CLEC16A: variants seen among roughly 807,000 people sequenced by gnomAD.
CLEC16A encodes protein CLEC16A.
CLEC16A carries 51 observed loss-of-function variants against 109.5 expected under a neutral mutation model. The ratio of observed to expected loss-of-function variants is 0.47; its 90% CI spans 0.37 to 0.59. CLEC16A has a LOEUF of 0.59. Among genes scored for constraint, CLEC16A ranks in the 20% least tolerant of loss-of-function variants. The pLI is 0.00. For missense variants in CLEC16A, 1,339 were observed against 1,394.0 expected (o/e 0.96, Z 0.63); for synonymous variants, 673 against 564.2 (o/e 1.19, Z -2.73).
chr16:11,086,941 C>T (rs540221972), intron 19 of CLEC16A, among the ~76,000 whole-genome samples: 55 of 152,304 alleles, frequency 3.6e-4, no homozygotes, highest in Non-Finnish European at 5.9e-4. Flanking sequence ...GGGGGAGGCC[C>T]TCCAGCACCA....
Position 11,027,277 on chromosome 16 carries a change from A to G in CLEC16A, c.1537+2356A>G, listed in dbSNP as rs555784565. 254 of 1,546,836 alleles carry G rather than the reference A, an allele frequency of 1.6e-4. No individual in the cohort carries two copies. In the Middle Eastern group the frequency reaches 2.5e-3, roughly 15 times the overall value. ...CATGCCGTGGAATTGCCAGATAAAC[A>G]TTCCTTGGCCTTTGTTGTACGCATC... On this transcript the variant is annotated intron_variant, in intron 13 of 23. Transcript: ENST00000409790.
At chr16:11,010,399 A>T (rs1040121722) in intron 11 of CLEC16A, among the ~76,000 whole-genome samples, 1 of 152,134 alleles carries the variant, frequency 6.6e-6, no homozygotes, top group Admixed American at 6.5e-5. Flanking sequence ...TTTTATGCTT[A>T]TGGTAATTTT....
intron 22 of CLEC16A, among the ~76,000 whole-genome samples, chr16:11,159,716 C>A (rs1419882492): frequency 6.9e-6 from 1 of 145,776 alleles, no homozygotes; most frequent in Non-Finnish European, 1.5e-5. Flanking sequence ...GTGTAGATCG[C>A]CTGTTTTTTT....
chr16:10,987,624 A>G lies in CLEC16A; in HGVS notation c.1071+4633A>G, dbSNP rs181932440. 3.6e-4 allele frequency among the ~76,000 whole-genome samples: 55 copies of G among 152,322 alleles called. 2 individuals are homozygous for G. In the South Asian group the frequency reaches 4.6e-3, roughly 13 times the overall value. On this transcript the variant is annotated intron_variant, in intron 10 of 23. Coordinates refer to ENST00000409790, the MANE Select transcript of CLEC16A (RefSeq NM_015226.3). Reference sequence around the variant, plus strand: ...CAGTTACTACCTTTCTCTCAGTGTGAAGTTGAAGTTGGTTGTAATCTGATG... The same window carrying G: ...CAGTTACTACCTTTCTCTCAGTGTGGAGTTGAAGTTGGTTGTAATCTGATG...
intron 13 of CLEC16A, among the ~76,000 whole-genome samples, chr16:11,029,548 G>T (rs544039725): frequency 1.3e-5 from 2 of 152,066 alleles, no homozygotes; most frequent in Non-Finnish European, 2.9e-5. Context: ...CAGCAAGCTG[G>T]AGCAATCACT....
At chr16:11,034,744 T>A (rs1417785864) in intron 13 of CLEC16A, among the ~76,000 whole-genome samples, 1 of 152,206 alleles carries the variant, frequency 6.6e-6, no homozygotes, top group East Asian at 1.9e-4. Context: ...CTTTGGAATT[T>A]GTCTGTCACA....
At chr16:11,140,962 C>T (rs187089619) in intron 22 of CLEC16A, among the ~76,000 whole-genome samples, 361 of 152,348 alleles carry the variant, frequency 2.4e-3, no homozygotes, top group Non-Finnish European at 4.1e-3. Flanking sequence ...CTTAGCTGGG[C>T]CAGCATTTTA....
At chr16:11,149,360 A>G (rs1013235398) in intron 22 of CLEC16A, among the ~76,000 whole-genome samples, 3 of 152,230 alleles carry the variant, frequency 2.0e-5, no homozygotes, top group Non-Finnish European at 4.4e-5. Flanking sequence ...CTGAGAAGCT[A>G]CAGGAAGAAG....
At chr16:11,096,307 C>T (rs374790546) in intron 19 of CLEC16A, among the ~76,000 whole-genome samples, 2 of 151,510 alleles carry the variant, frequency 1.3e-5, no homozygotes, top group Non-Finnish European at 2.9e-5. Flanking sequence ...ATGGCATCAC[C>T]GCACTCCATC....
chr16:11,011,900 TAAC>T (rs2045442098), intron 11 of CLEC16A, among the ~76,000 whole-genome samples: 1 of 152,134 alleles, frequency 6.6e-6, no homozygotes, highest in African/African-American at 2.4e-5. Flanking sequence ...CCCTGACTCC[TAAC>T]AACGTCTACT....
At chr16:11,101,878 T>C (rs2050937551) in intron 19 of CLEC16A, among the ~76,000 whole-genome samples, 2 of 151,944 alleles carry the variant, frequency 1.3e-5, no homozygotes, top group South Asian at 4.2e-4. Flanking sequence ...TTATGGTCAC[T>C]GTAGCTTTGA....
chr16:11,006,596 G>C, intron 11 of CLEC16A, among the ~76,000 whole-genome samples: 1 of 152,188 alleles, frequency 6.6e-6, no homozygotes, highest in Non-Finnish European at 1.5e-5. Flanking sequence ...CATTTTAGTA[G>C]TGAAATTTTG....
rs112469895 is a variant in CLEC16A, at chr16:10,984,137, C to T, written c.1071+1146C>T. On this transcript the variant is annotated intron_variant, in intron 10 of 23. Transcript: ENST00000409790. ...AGCTCGCCCTGGGGTAGTAGATTTG[C>T]TGCCCCACCTACATGAATGGGTGGA... is the stretch of plus-strand genomic sequence containing the variant. 1.6e-3 allele frequency among the ~76,000 whole-genome samples: 247 copies of T among 152,284 alleles called. 3 individuals carry two copies. The highest frequency in any genetic ancestry group is 5.6e-3 in the African/African-American group (234 of 41,568).
chr16:11,122,055 C>G (rs957191747), intron 20 of CLEC16A, among the ~76,000 whole-genome samples: 1 of 151,694 alleles, frequency 6.6e-6, no homozygotes, highest in Admixed American at 6.6e-5. Context: ...TGAACTTTGC[C>G]CTACTTCAAG....
At position 10,961,605 on chromosome 16, in the gene CLEC16A, G is replaced by A. The variant is rs1304537857; in HGVS notation, c.210-850G>A. Among the ~76,000 whole-genome samples the A allele has an allele frequency of 6.6e-6, 1 of 152,226 alleles. No homozygotes were observed. Among genetic ancestry groups the A allele is most frequent in the African/African-American group, 2.4e-5 (1 of 41,458 alleles). ...CCAGAAGCCAGTGCCGCTAGGCTGT[G>A]TACAGACAAGTATCCTATCCACAAG... is the stretch of plus-strand genomic sequence containing the variant. On this transcript the variant is annotated intron_variant, in intron 2 of 23. Coordinates refer to ENST00000409790, the MANE Select transcript of CLEC16A (RefSeq NM_015226.3). The surrounding 1 kb of genome is among the most constrained non-coding windows in gnomAD (Gnocchi z 4.3).
At chr16:11,089,740 G>A (rs890449108) in intron 19 of CLEC16A, among the ~76,000 whole-genome samples, 8 of 152,160 alleles carry the variant, frequency 5.3e-5, no homozygotes, top group Admixed American at 6.5e-5. Flanking sequence ...GGAAGGGCCC[G>A]ACTCAGGAAA....
intron 22 of CLEC16A, among the ~76,000 whole-genome samples, chr16:11,139,931 G>C (rs759301923): frequency 6.6e-6 from 1 of 152,190 alleles, no homozygotes; most frequent in Non-Finnish European, 1.5e-5. Flanking sequence ...CACAAAATAA[G>C]GAGATAAGTA....
intron 11 of CLEC16A, among the ~76,000 whole-genome samples, chr16:11,012,550 A>G (rs187986708): frequency 1.6e-3 from 230 of 142,642 alleles, no homozygotes; most frequent in African/African-American, 5.2e-3. Context: ...AGCCGAGATC[A>G]CGCCACTGCA....
chr16:11,169,319 C>G (rs367678252), intron 23 of CLEC16A, among the ~76,000 whole-genome samples: 13 of 152,274 alleles, frequency 8.5e-5, no homozygotes, highest in Middle Eastern at 6.8e-3. Flanking sequence ...CAGAGTCTTG[C>G]TTAGTTGCCC....
Sources: allele counts gnomAD v4.1 joint callset (sites outside exome capture counted in the v4.1 genomes callset), GRCh38; gene constraint gnomAD v4.1.1; non-coding constraint Gnocchi (gnomAD v3.1); transcripts MANE v1.5; gene names NCBI Gene and HGNC (gene_info 2026-07-23, HGNC 2026-07-21).